LNX1: variants seen among roughly 807,000 people sequenced by gnomAD.
LNX1 encodes the protein ligand of numb-protein X 1.
A neutral mutation model predicts 68.4 loss-of-function variants in LNX1; 54 were observed. That is an observed-to-expected ratio of 0.79 (90% CI 0.63 to 0.99). The LOEUF is 0.99. LNX1 is among the 50% of genes least tolerant of loss of function. The pLI, the probability that LNX1 is intolerant of heterozygous loss-of-function variation, is 0.00. For synonymous variants in LNX1, 336 were observed against 350.0 expected (o/e 0.96, Z 0.45); for missense variants, 906 against 926.4 (o/e 0.98, Z 0.29).
chr4:53,650,337 A>G (rs1367121555), intron 1 of LNX1, among the ~76,000 whole-genome samples: 1 of 152,192 alleles, frequency 6.6e-6, no homozygotes, highest in Non-Finnish European at 1.5e-5. Context: ...CCCAGAACAA[A>G]GTGTCAGGGC....
In LNX1 at chr4:53,481,059, T is replaced by G. The variant is rs1299357818; in HGVS notation, c.1485+661A>C. Among the ~76,000 whole-genome samples the G allele has an allele frequency of 3.3e-5, 5 of 152,228 alleles. No individual in the cohort carries two copies. In the South Asian group the frequency reaches 1.0e-3, roughly 32 times the overall value. ...CATCCAAATGAAGAGGTTAAGGCAT[T>G]GCCTCTAATAGAAGCCACAGAGAGA... On this transcript the variant is annotated intron_variant, in intron 7 of 10. Coordinates refer to ENST00000263925, the MANE Select transcript of LNX1 (RefSeq NM_001126328.3).
intron 9 of LNX1, among the ~76,000 whole-genome samples, chr4:53,465,098 T>C (rs958034868): frequency 6.6e-6 from 1 of 152,216 alleles, no homozygotes; most frequent in Non-Finnish European, 1.5e-5. Context: ...CCCTTTGATG[T>C]TATTGGCCAT....
At chr4:53,524,891 G>A (rs1459299953) in intron 2 of LNX1, among the ~76,000 whole-genome samples, 2 of 152,156 alleles carry the variant, frequency 1.3e-5, no homozygotes, top group African/African-American at 2.4e-5. Flanking sequence ...CTTGCCCAAA[G>A]GGGTGTTTTC....
chr4:53,491,152 A>G (rs928472133), intron 6 of LNX1, among the ~76,000 whole-genome samples: 1 of 152,160 alleles, frequency 6.6e-6, no homozygotes, highest in African/African-American at 2.4e-5. Flanking sequence ...CTTATTGCGA[A>G]GTATAGTTGG....
Position 53,502,315 on chromosome 4 carries a change from G to A in LNX1, c.776-3472C>T, listed in dbSNP as rs1372404399. On this transcript the variant is annotated intron_variant, in intron 4 of 10. Coordinates refer to ENST00000263925, the MANE Select transcript of LNX1 (RefSeq NM_001126328.3). ...ACAGGCATACCTCTGAGATATTGTGGGTTTGGTTCCAGACTGCTATAAGAA... is the reference window on the plus strand; with the variant it reads ...ACAGGCATACCTCTGAGATATTGTGAGTTTGGTTCCAGACTGCTATAAGAA... Among the ~76,000 whole-genome samples the A allele has an allele frequency of 2.0e-4, 7 of 35,504 alleles. No homozygotes were observed. In the South Asian group the frequency reaches 4.1e-3, roughly 21 times the overall value. The allele number at this position is 35,504 out of a possible 152,430, so 23.3% of individuals were successfully genotyped here. A position where few individuals can be genotyped will look rare whatever the true frequency, so the allele number is the denominator to read the frequency against.
At chr4:53,606,475 CAAAAAACAAACA>C (rs1359287909) in intron 2 of LNX1, among the ~76,000 whole-genome samples, 2 of 77,280 alleles carry the variant, frequency 2.6e-5, no homozygotes, top group South Asian at 8.6e-4. Flanking sequence ...AACAAACAAA[CAAAAAACAAACA>C]AAAAAAAAAC....
At chr4:53,536,693 C>T (rs1407951836) in intron 2 of LNX1, among the ~76,000 whole-genome samples, 2 of 152,120 alleles carry the variant, frequency 1.3e-5, no homozygotes, top group Admixed American at 6.6e-5. Flanking sequence ...GCTTTAAATG[C>T]CTCTAAAGAG....
intron 2 of LNX1, among the ~76,000 whole-genome samples, chr4:53,555,162 G>A (rs1355300105): frequency 2.0e-5 from 3 of 152,118 alleles, no homozygotes; most frequent in Non-Finnish European, 1.5e-5. Flanking sequence ...CCCAGAGTAG[G>A]GAAGAGAAGG....
chr4:53,488,790 AC>A (rs1353704086), intron 6 of LNX1, among the ~76,000 whole-genome samples: 1 of 152,212 alleles, frequency 6.6e-6, no homozygotes, highest in African/African-American at 2.4e-5. Flanking sequence ...ACATGACAAT[AC>A]AGACAACTGG....
intron 2 of LNX1, among the ~76,000 whole-genome samples, chr4:53,607,827 T>A (rs974142707): frequency 6.6e-6 from 1 of 151,984 alleles, no homozygotes; most frequent in Admixed American, 6.6e-5. Context: ...TTTAAAACCA[T>A]CTGATCTTCA....
intron 1 of LNX1, among the ~76,000 whole-genome samples, chr4:53,586,994 CATTT>C (rs1732210414): frequency 6.6e-6 from 1 of 152,170 alleles, no homozygotes; most frequent in Non-Finnish European, 1.5e-5. Context: ...CTTTGTCATT[CATTT>C]ATTAATTCAT....
chr4:53,581,615 T>A (rs539710997), intron 1 of LNX1, among the ~76,000 whole-genome samples: 97 of 152,232 alleles, frequency 6.4e-4, no homozygotes, highest in Non-Finnish European at 1.0e-3. Flanking sequence ...CGAGAGAACA[T>A]GTGCAGGGGA....
intron 2 of LNX1, among the ~76,000 whole-genome samples, chr4:53,518,892 C>G (rs1726997740): frequency 6.6e-6 from 1 of 152,210 alleles, no homozygotes; most frequent in South Asian, 2.1e-4. Context: ...ATGCCAGCTA[C>G]TGAGTAACTG....
chr4:53,624,315 T>C (rs1208453813), intron 1 of LNX1, among the ~76,000 whole-genome samples: 2 of 152,260 alleles, frequency 1.3e-5, no homozygotes, highest in East Asian at 1.9e-4. Flanking sequence ...AATTGGATCA[T>C]GGGGGCAATT....
intron 1 of LNX1, among the ~76,000 whole-genome samples, chr4:53,585,317 C>T (rs139105982): frequency 0.011 from 1,700 of 152,236 alleles, 34 homozygotes; most frequent in African/African-American, 0.038. Context: ...ATGATGGCTG[C>T]CAATTCTGAC....
intron 1 of LNX1, among the ~76,000 whole-genome samples, chr4:53,585,428 G>A (rs1732104767): frequency 6.6e-6 from 1 of 152,154 alleles, no homozygotes; most frequent in Non-Finnish European, 1.5e-5. Flanking sequence ...GTCAGCTGGG[G>A]ATACAGTGGG....
At chr4:53,608,995 C>A (rs149709751) in intron 2 of LNX1, among the ~76,000 whole-genome samples, 2 of 151,994 alleles carry the variant, frequency 1.3e-5, no homozygotes, top group Non-Finnish European at 2.9e-5. Context: ...AATCAGAATA[C>A]CCAACTTCAA....
intron 2 of LNX1, among the ~76,000 whole-genome samples, chr4:53,539,559 T>G (rs1416229411): frequency 6.6e-6 from 1 of 152,220 alleles, no homozygotes; most frequent in African/African-American, 2.4e-5. Context: ...TTTAAATGAC[T>G]GTTTGTGTAA....
chr4:53,569,678 T>C (rs1416683097), intron 2 of LNX1, among the ~76,000 whole-genome samples: 1 of 151,144 alleles, frequency 6.6e-6, no homozygotes, highest in Non-Finnish European at 1.5e-5. Context: ...CTAATTAAAC[T>C]AAAGAGCTTC....
Sources: allele counts gnomAD v4.1 joint callset (sites outside exome capture counted in the v4.1 genomes callset), GRCh38; gene constraint gnomAD v4.1.1; transcripts MANE v1.5; gene names NCBI Gene and HGNC (gene_info 2026-07-23, HGNC 2026-07-21).